Variants in TTC28 observed in about 807,000 individuals in gnomAD.
The protein encoded by TTC28 is tetratricopeptide repeat protein 28.
Under a neutral mutation model 198.0 loss-of-function variants are expected in TTC28, and 61 were observed. The ratio of observed to expected loss-of-function variants is 0.31; its 90% CI spans 0.25 to 0.38. The LOEUF (loss-of-function observed/expected upper bound fraction) is 0.38, where lower values mean the gene tolerates loss of function less well. Among genes scored for constraint, TTC28 ranks in the 10% least tolerant of loss-of-function variants. The pLI is 1.00. For synonymous variants in TTC28, 1,171 were observed against 1,297.8 expected, an observed-to-expected ratio of 0.90 and a Z score of 2.10; for missense variants, 2,678 against 3,164.0, an observed-to-expected ratio of 0.85 and a Z score of 3.69.
intron 4 of TTC28, among the ~76,000 whole-genome samples, chr22:28,297,047 T>C (rs2044911764): frequency 1.3e-5 from 2 of 152,148 alleles, no homozygotes; most frequent in Admixed American, 6.5e-5. Flanking sequence ...ATGTTATCAT[T>C]TGACATATTT....
chr22:28,441,338 G>A (rs970362512), intron 2 of TTC28, among the ~76,000 whole-genome samples: 3 of 151,582 alleles, frequency 2.0e-5, no homozygotes, highest in African/African-American at 2.4e-5. Context: ...TTAGGAATAC[G>A]CAGCATCTGT....
chr22:28,648,002 A>T (rs1266298579), intron 1 of TTC28, among the ~76,000 whole-genome samples: 1 of 151,802 alleles, frequency 6.6e-6, no homozygotes, highest in East Asian at 1.9e-4. Flanking sequence ...AGGCGGGCGG[A>T]TCATGAGGTC....
At chr22:28,225,368 A>AAAG (rs148306183) in intron 5 of TTC28, among the ~76,000 whole-genome samples, 5,409 of 143,112 alleles carry the variant, frequency 0.038, 112 homozygotes, top group Middle Eastern at 0.073. Flanking sequence ...AAAAAAAAGA[A>AAAG]AAGAAGAAGA....
intron 12 of TTC28, among the ~76,000 whole-genome samples, chr22:28,081,921 T>C (rs190657854): frequency 2.6e-5 from 4 of 152,248 alleles, no homozygotes; most frequent in African/African-American, 9.6e-5. Flanking sequence ...GTGTCTTCTT[T>C]AATTTCCTTC....
At chr22:28,044,577 A>G (rs1170237409) in intron 12 of TTC28, among the ~76,000 whole-genome samples, 2 of 152,012 alleles carry the variant, frequency 1.3e-5, no homozygotes, top group Non-Finnish European at 2.9e-5. Context: ...ATCATTAGGT[A>G]TATCTCCTAA....
At chr22:28,319,990 G>A (rs1431728096) in intron 2 of TTC28, among the ~76,000 whole-genome samples, 5 of 152,118 alleles carry the variant, frequency 3.3e-5, no homozygotes, top group Admixed American at 6.5e-5. Flanking sequence ...AAGATGCCAC[G>A]TGTTTTTTTC....
chr22:28,036,895 T>G (rs1939378901), intron 12 of TTC28, among the ~76,000 whole-genome samples: 1 of 152,136 alleles, frequency 6.6e-6, no homozygotes, highest in Non-Finnish European at 1.5e-5. Flanking sequence ...TAAACACCTC[T>G]ACGCAAATAA....
At chr22:28,124,230 A>AAAGAAAGC (rs1449149096) in intron 6 of TTC28, among the ~76,000 whole-genome samples, 4 of 151,700 alleles carry the variant, frequency 2.6e-5, no homozygotes, top group African/African-American at 7.3e-5. Context: ...GTTTGACCTC[A>AAAGAAAGC]AAGAAAGCAA....
At chr22:28,203,552 A>C (rs2147159134) in intron 5 of TTC28, among the ~76,000 whole-genome samples, 2 of 152,224 alleles carry the variant, frequency 1.3e-5, no homozygotes, top group Middle Eastern at 3.4e-3. Flanking sequence ...GAACTCCCCT[A>C]TCCAGCTGGG....
intron 5 of TTC28, among the ~76,000 whole-genome samples, chr22:28,192,467 GT>G (rs1924914017): frequency 6.6e-6 from 1 of 152,132 alleles, no homozygotes; most frequent in Non-Finnish European, 1.5e-5. Flanking sequence ...GAGAGAAGAA[GT>G]TTTCACACGA....
At chr22:28,530,237 C>G (rs955083303) in intron 2 of TTC28, among the ~76,000 whole-genome samples, 1 of 152,136 alleles carries the variant, frequency 6.6e-6, no homozygotes, top group South Asian at 2.1e-4. Context: ...AGCTGAAAAC[C>G]ATGGCATGAG....
chr22:28,019,308 A>T (rs1448247271), intron 13 of TTC28, among the ~76,000 whole-genome samples: 1 of 152,210 alleles, frequency 6.6e-6, no homozygotes, highest in East Asian at 1.9e-4. Flanking sequence ...AGTTTTAGAA[A>T]ATGAAAAATC....
In TTC28 at chr22:28,108,059, C is replaced by T; in HGVS notation, c.1786G>A (p.Ala596Thr). Residue 596 changes from alanine to threonine, a missense_variant, in exon 7 of 23, where the codon GCC (alanine) becomes ACC (threonine). Ala to Thr is a moderately conservative substitution (Grantham distance 58). Coordinates refer to ENST00000397906, the MANE Select transcript of TTC28 (RefSeq NM_001145418.2). ...TGGAAATTGCCCAGGTTGCTGAGGG[C>T]CCGGGCCTCGCTCTGGATGTCTCGT... Reference protein sequence around the residue: ...ELRDIQSEARALSNLGNFHCS... With the variant: ...ELRDIQSEARTLSNLGNFHCS... 1 of 1,551,632 alleles carries T rather than the reference C, an allele frequency of 6.4e-7. No homozygotes were observed. The highest frequency in any genetic ancestry group is 8.7e-7 in the Non-Finnish European group (1 of 1,146,982).
At chr22:28,042,401 T>TA (rs1308153234) in intron 12 of TTC28, among the ~76,000 whole-genome samples, 1 of 151,966 alleles carries the variant, frequency 6.6e-6, no homozygotes, top group Non-Finnish European at 1.5e-5. Flanking sequence ...TATGCAGACA[T>TA]AAAAAAAGGA....
At chr22:28,176,302 A>G (rs1241344824) in intron 5 of TTC28, among the ~76,000 whole-genome samples, 1 of 152,224 alleles carries the variant, frequency 6.6e-6, no homozygotes, top group African/African-American at 2.4e-5. Flanking sequence ...AAGTGAAATA[A>G]GCCAGACAAA....
chr22:28,372,937 T>A (rs1406105779), intron 2 of TTC28, among the ~76,000 whole-genome samples: 1 of 152,192 alleles, frequency 6.6e-6, no homozygotes, highest in Non-Finnish European at 1.5e-5. Flanking sequence ...AGTGTATGTT[T>A]CTAGCTGAAG....
At chr22:28,275,868 T>C (rs2145720853) in intron 5 of TTC28, among the ~76,000 whole-genome samples, 1 of 152,258 alleles carries the variant, frequency 6.6e-6, no homozygotes, top group African/African-American at 2.4e-5. Flanking sequence ...GCTGGTAAGT[T>C]TGGTTTCCAA....
At chr22:28,326,267 G>A (rs1419328047) in intron 2 of TTC28, among the ~76,000 whole-genome samples, 1 of 152,052 alleles carries the variant, frequency 6.6e-6, no homozygotes, top group African/African-American at 2.4e-5. Context: ...ATTTGAAAAA[G>A]GCAAAAGTAT....
At position 28,565,658 on chromosome 22, in the gene TTC28, A is replaced by G. The variant is rs73430159; in HGVS notation, c.381+63894T>C. Among the ~76,000 whole-genome samples the G allele has an allele frequency of 2.0e-3, 300 of 152,336 alleles. 1 individual carries two copies. The highest frequency in any genetic ancestry group is 6.4e-3 in the African/African-American group (267 of 41,586). On this transcript the variant is annotated intron_variant, in intron 2 of 22. Transcript: ENST00000397906. ...ATGGCTGATTCAAGTTTGGAAAAGT[A>G]TATTTACTATTAAAGATGGAAAAAA...
Sources: allele counts gnomAD v4.1 joint callset (sites outside exome capture counted in the v4.1 genomes callset), GRCh38; gene constraint gnomAD v4.1.1; transcripts MANE v1.5; gene names NCBI Gene and HGNC (gene_info 2026-07-23, HGNC 2026-07-21).